CEP350: variants seen among roughly 807,000 people sequenced by gnomAD.
The protein encoded by CEP350 is centrosomal protein 350.
Under a neutral mutation model 331.8 loss-of-function variants are expected in CEP350, and 126 were observed. The ratio of observed to expected loss-of-function variants is 0.38; its 90% CI spans 0.33 to 0.44. CEP350 has a LOEUF of 0.44. CEP350 is among the 20% of genes least tolerant of loss of function. The pLI, the probability that CEP350 is intolerant of heterozygous loss-of-function variation, is 1.00. For missense variants in CEP350, 3,406 were observed against 3,634.6 expected (o/e 0.94, Z 1.62); for synonymous variants, 1,200 against 1,259.5 (o/e 0.95, Z 1.00).
intron 10 of CEP350, among the ~76,000 whole-genome samples, chr1:180,015,424 C>A (rs1299618233): frequency 2.0e-5 from 3 of 151,920 alleles, no homozygotes; most frequent in Non-Finnish European, 2.9e-5. Flanking sequence ...TTATTAGAGA[C>A]GGGGTTTTAC....
intron 17 of CEP350, among the ~76,000 whole-genome samples, chr1:180,040,005 G>A (rs571692732): frequency 1.3e-5 from 2 of 151,060 alleles, no homozygotes; most frequent in East Asian, 3.9e-4. Context: ...ATTCCCAAAT[G>A]TTTTATGGTT....
intron 33 of CEP350, among the ~76,000 whole-genome samples, chr1:180,091,901 A>G (rs1284302580): frequency 1.3e-5 from 2 of 151,808 alleles, no homozygotes; most frequent in African/African-American, 4.8e-5. Flanking sequence ...ACAAATAGAG[A>G]TTTGGCCAGG....
At chr1:180,096,250 G>A in intron 36 of CEP350, 66 bp downstream of exon 36, 1 of 1,480,966 alleles carries the variant, frequency 6.8e-7, no homozygotes, top group African/African-American at 1.4e-5. Flanking sequence ...ATCTGTAAAT[G>A]TTGTAAAAGC....
chr1:180,004,890 GCTTGCTTGCTTGCTTGCTTTCTTT>G (rs1445736418), intron 7 of CEP350, among the ~76,000 whole-genome samples: 2 of 41,518 alleles, frequency 4.8e-5, no homozygotes, highest in African/African-American at 1.1e-4. Context: ...TTGCTTGCTT[GCTTGCTTGCTTGCTTGCTTTCTTT>G]CTTTCTTTCT....
At chr1:180,101,646 G>T (rs1660822384) in intron 37 of CEP350, among the ~76,000 whole-genome samples, 1 of 152,066 alleles carries the variant, frequency 6.6e-6, no homozygotes, top group South Asian at 2.1e-4. Context: ...CCCACAGAGT[G>T]AGTGCTCAGT....
At chr1:180,036,778 G>T (rs1197978345) in intron 16 of CEP350, 148 bp from the exon 17 acceptor site, 4 of 740,182 alleles carry the variant, frequency 5.4e-6, no homozygotes, top group Non-Finnish European at 8.1e-6. Context: ...AACTGAACCT[G>T]CAGTATCTCC....
chr1:180,006,206 GAATA>G (rs1654242710), intron 7 of CEP350, among the ~76,000 whole-genome samples: 1 of 152,106 alleles, frequency 6.6e-6, no homozygotes, highest in Non-Finnish European at 1.5e-5. Flanking sequence ...TTTCTTAGAA[GAATA>G]AATAAATAAC....
At chr1:179,982,971 A>G (rs979657365) in intron 1 of CEP350, among the ~76,000 whole-genome samples, 1 of 151,714 alleles carries the variant, frequency 6.6e-6, no homozygotes, top group Non-Finnish European at 1.5e-5. Context: ...TTGTATTTTT[A>G]GTAGAGACAG....
chr1:180,033,947 G>A lies in CEP350; in HGVS notation c.3811G>A (p.Ala1271Thr). ...SSQKSLQFDV[A>T]GTSSERSKSS... The stretch of plus-strand genomic sequence containing the variant: ...CCAGAAATCATTGCAGTTTGACGTT[G>A]CAGGAACTTCTTCAGAAAGATCTAA... The change falls in exon 16 of 38, where the codon GCA becomes ACA. Residue 1271 changes from alanine (A) to threonine (T), a missense_variant. Ala to Thr is a moderately conservative substitution (Grantham distance 58). This residue lies in a region of CEP350 where 1,857 missense variants were observed against 1,909.2 expected (regional missense o/e 0.97). Coordinates refer to ENST00000367607, the MANE Select transcript of CEP350 (RefSeq NM_014810.5). 2 of 1,613,848 alleles carry A rather than the reference G, an allele frequency of 1.2e-6. No individual in the cohort carries two copies. The highest frequency in any genetic ancestry group is 1.1e-5 in the South Asian group (1 of 91,074).
intron 1 of CEP350, among the ~76,000 whole-genome samples, chr1:179,976,828 A>G (rs952927452): frequency 2.0e-5 from 3 of 151,888 alleles, no homozygotes; most frequent in Non-Finnish European, 1.5e-5. Flanking sequence ...TTTATCTTTT[A>G]TTTTTCCCCC....
chr1:180,084,421 G>T, intron 31 of CEP350: 1 of 262,790 alleles, frequency 3.8e-6, no homozygotes, highest in Non-Finnish European at 7.4e-6. Context: ...CTGGAGTGCA[G>T]TGGCGCGATC....
Position 180,090,726 on chromosome 1 carries a change from A to G in CEP350, c.6438A>G (p.Ala2146=). The G allele has an allele frequency of 6.4e-7, 1 of 1,551,266 alleles. No individual in the cohort carries two copies. Among genetic ancestry groups the G allele is most frequent in the Non-Finnish European group, 8.7e-7 (1 of 1,146,724 alleles). ...PLTPLHRSET[A]KNWKSLTESE... ...TTTTACACGTCAGATCTGAAACGGCAAAGAATTGGAAATCACTAACAGAGT... is the reference window on the plus strand; with the variant it reads ...TTTTACACGTCAGATCTGAAACGGCGAAGAATTGGAAATCACTAACAGAGT... The change falls in exon 33 of 38, where the codon GCA becomes GCG. Residue 2146 remains alanine, a synonymous_variant. Coordinates refer to ENST00000367607, the MANE Select transcript of CEP350 (RefSeq NM_014810.5).
At chr1:180,055,683 A>G (rs796449819) in intron 25 of CEP350, among the ~76,000 whole-genome samples, 25 of 149,610 alleles carry the variant, frequency 1.7e-4, no homozygotes, top group African/African-American at 6.2e-4. Context: ...AGTAGCTGGG[A>G]CTACAGCCCC....
intron 5 of CEP350, among the ~76,000 whole-genome samples, chr1:179,996,179 A>T (rs1237680286): frequency 6.6e-6 from 1 of 152,178 alleles, no homozygotes; most frequent in Non-Finnish European, 1.5e-5. Flanking sequence ...TTGAGTCATA[A>T]TATTATTAAT....
At position 180,103,339 on chromosome 1, in the gene CEP350, CTTGT is replaced by C. The variant is rs376329564; in HGVS notation, c.9189+4359_9189+4362del. ...GGCATTCGCTTGTGCAAGCTTCCAGCTTGTTTGTCTGTGTCTGCAGCTTGATTTT... is the reference window on the plus strand; with the variant it reads ...GGCATTCGCTTGTGCAAGCTTCCAGCTTGTCTGTGTCTGCAGCTTGATTTT... On this transcript the variant is annotated intron_variant, in intron 37 of 37. Transcript: ENST00000367607. Among the ~76,000 whole-genome samples, 35 of 152,086 alleles carry C rather than the reference CTTGT, an allele frequency of 2.3e-4. No individual in the cohort carries two copies. The East Asian group carries it at 6.8e-3, about 29-fold the overall frequency.
chr1:180,003,094 A>G (rs1653973481), intron 6 of CEP350, 80 bp from the exon 7 acceptor site: 3 of 856,022 alleles, frequency 3.5e-6, no homozygotes, highest in South Asian at 3.4e-5. Flanking sequence ...TGTCGATTAT[A>G]TATCACTTTA....
chr1:180,030,619 T>C (rs1051315432), intron 14 of CEP350, among the ~76,000 whole-genome samples: 2 of 151,862 alleles, frequency 1.3e-5, no homozygotes, highest in African/African-American at 4.8e-5. Context: ...ATCAGTAAAT[T>C]TGGGATATAG....
chr1:179,991,727 AT>A (rs976585692), intron 4 of CEP350, among the ~76,000 whole-genome samples: 3 of 140,388 alleles, frequency 2.1e-5, no homozygotes, highest in African/African-American at 2.7e-5. Flanking sequence ...ATATATATAC[AT>A]TTTTTTTTAA....
intron 1 of CEP350, among the ~76,000 whole-genome samples, chr1:179,957,096 T>C (rs1650225946): frequency 1.3e-5 from 2 of 152,162 alleles, no homozygotes; most frequent in East Asian, 3.8e-4. Flanking sequence ...TATATACTTT[T>C]TGCTTGAACA....
Sources: gnomAD v4.1 joint callset for allele counts (sites outside exome capture counted in the v4.1 genomes callset) on GRCh38, gnomAD v4.1.1 for gene constraint, gnomAD v4.1.1 regional missense constraint, MANE v1.5 for transcripts, NCBI Gene and HGNC (gene_info 2026-07-23, HGNC 2026-07-21) for gene names.